The following BBS9 variants were observed in gnomAD, a reference collection of about 807,000 sequenced individuals.
BBS9 encodes the protein Bardet-Biedl syndrome 9.
Under a neutral mutation model 117.7 loss-of-function variants are expected in BBS9, and 89 were observed. That is an observed-to-expected ratio of 0.76 (90% CI 0.64 to 0.90). The LOEUF (loss-of-function observed/expected upper bound fraction) is 0.90, where lower values mean the gene tolerates loss of function less well. Among genes scored for constraint, BBS9 ranks in the 40% least tolerant of loss-of-function variants. The pLI, the probability that BBS9 is intolerant of heterozygous loss-of-function variation, is 0.00. For missense variants in BBS9, 982 were observed against 1,042.2 expected, an observed-to-expected ratio of 0.94 and a Z score of 0.80; for synonymous variants, 379 against 370.9, an observed-to-expected ratio of 1.02 and a Z score of -0.25.
intron 2 of BBS9, among the ~76,000 whole-genome samples, chr7:33,149,134 G>T (rs948119980): frequency 6.6e-6 from 1 of 152,190 alleles, no homozygotes; most frequent in Non-Finnish European, 1.5e-5. Flanking sequence ...AGGGTCAAGG[G>T]AAGTGGGAAA....
At chr7:33,292,595 T>C (rs1012343072) in intron 9 of BBS9, among the ~76,000 whole-genome samples, 4 of 152,204 alleles carry the variant, frequency 2.6e-5, no homozygotes, top group African/African-American at 9.6e-5. Flanking sequence ...CAGGTGAATA[T>C]CCCATGAAGA....
intron 19 of BBS9, among the ~76,000 whole-genome samples, chr7:33,394,772 A>G (rs1311119326): frequency 6.6e-6 from 1 of 152,228 alleles, no homozygotes; most frequent in Non-Finnish European, 1.5e-5. Flanking sequence ...GAAATAAAGT[A>G]GGAGAAAAGA....
In BBS9 at chr7:33,230,330, C is replaced by G. The variant is rs1792105449; in HGVS notation, c.443-26906C>G. 2.0e-5 allele frequency among the ~76,000 whole-genome samples: 3 copies of G among 152,242 alleles called. No homozygotes were observed. The South Asian group carries it at 6.2e-4, about 32-fold the overall frequency. On this transcript the variant is annotated intron_variant, in intron 5 of 22. Coordinates refer to ENST00000242067, the MANE Select transcript of BBS9 (RefSeq NM_198428.3). ...ATTTCCAAGAAATCATTGCCAAGGC[C>G]AATGTCCAGGAGCTTTCCCACTGTG...
intron 1 of BBS9, among the ~76,000 whole-genome samples, chr7:33,144,937 A>G (rs753536185): frequency 6.6e-6 from 1 of 152,236 alleles, no homozygotes; most frequent in African/African-American, 2.4e-5. Flanking sequence ...GCATCTGTAC[A>G]TGAAATTAGA....
intron 5 of BBS9, among the ~76,000 whole-genome samples, chr7:33,232,965 T>C (rs957686305): frequency 6.6e-6 from 1 of 152,186 alleles, no homozygotes; most frequent in Non-Finnish European, 1.5e-5. Flanking sequence ...CAGGACTTTA[T>C]ATGTTAAACC....
intron 21 of BBS9, among the ~76,000 whole-genome samples, chr7:33,545,385 C>T (rs537653708): frequency 2.9e-4 from 44 of 152,110 alleles, no homozygotes; most frequent in Non-Finnish European, 4.6e-4. Context: ...GGCCTTTCTG[C>T]TGCTTCCTCT....
At chr7:33,364,764 TG>T (rs1346184473) in intron 16 of BBS9, among the ~76,000 whole-genome samples, 4 of 145,592 alleles carry the variant, frequency 2.7e-5, no homozygotes, top group Non-Finnish European at 4.5e-5. Flanking sequence ...GGTCTTGCTC[TG>T]TCATCCAGGC....
chr7:33,326,531 C>G lies in BBS9; in HGVS notation c.1017-9910C>G, dbSNP rs552107954. 8.5e-5 allele frequency among the ~76,000 whole-genome samples: 13 copies of G among 152,232 alleles called. No homozygotes were observed. The South Asian group carries it at 1.2e-3, about 15-fold the overall frequency. On this transcript the variant is annotated intron_variant, in intron 9 of 22. Transcript: ENST00000242067. ...AAGACAAAGTCCCCTTTACTCTTCTCTCTCCTTTTCTGAAGCAAAATGAGT... is the reference window on the plus strand; with the variant it reads ...AAGACAAAGTCCCCTTTACTCTTCTGTCTCCTTTTCTGAAGCAAAATGAGT...
intron 19 of BBS9, among the ~76,000 whole-genome samples, chr7:33,473,423 A>G (rs1253246991): frequency 6.7e-6 from 1 of 149,294 alleles, no homozygotes; most frequent in Non-Finnish European, 1.5e-5. Flanking sequence ...TCCTGGGTTC[A>G]AGCAGTTCTC....
At chr7:33,436,905 G>A (rs973685412) in intron 19 of BBS9, among the ~76,000 whole-genome samples, 2 of 152,182 alleles carry the variant, frequency 1.3e-5, no homozygotes, top group African/African-American at 4.8e-5. Flanking sequence ...AAGTTATAAA[G>A]CATTAGCCAT....
chr7:33,142,731 CA>C (rs1277819349), intron 1 of BBS9, among the ~76,000 whole-genome samples: 1 of 150,034 alleles, frequency 6.7e-6, no homozygotes, highest in Non-Finnish European at 1.5e-5. Context: ...CCTCAAGGTT[CA>C]TCTACATAGC....
At chr7:33,280,912 T>G (rs1187331053) in intron 9 of BBS9, among the ~76,000 whole-genome samples, 4 of 55,168 alleles carry the variant, frequency 7.3e-5, no homozygotes, top group South Asian at 6.4e-4. Context: ...GTCGTTTTTG[T>G]TTTTTTTTTT....
chr7:33,577,460 T>C (rs923737070), intron 21 of BBS9, among the ~76,000 whole-genome samples: 1 of 152,180 alleles, frequency 6.6e-6, no homozygotes, highest in African/African-American at 2.4e-5. Flanking sequence ...GGTGGGAGTG[T>C]AAATTAGTTC....
At chr7:33,576,883 C>T (rs1186865687) in intron 21 of BBS9, among the ~76,000 whole-genome samples, 2 of 152,114 alleles carry the variant, frequency 1.3e-5, no homozygotes, top group Admixed American at 6.5e-5. Context: ...CCCTTCCTTA[C>T]ACCTTATACA....
chr7:33,295,151 G>A (rs972843824), intron 9 of BBS9, among the ~76,000 whole-genome samples: 10 of 152,068 alleles, frequency 6.6e-5, no homozygotes, highest in African/African-American at 1.4e-4. Context: ...GCAAGCATAC[G>A]TATTCTACCT....
intron 21 of BBS9, among the ~76,000 whole-genome samples, chr7:33,626,596 A>C (rs898947199): frequency 6.6e-6 from 1 of 152,200 alleles, no homozygotes. Context: ...AGGTGGTCTC[A>C]GATAGAGGTG....
At chr7:33,209,408 G>A (rs952025290) in intron 5 of BBS9, among the ~76,000 whole-genome samples, 9 of 152,188 alleles carry the variant, frequency 5.9e-5, no homozygotes, top group Non-Finnish European at 1.3e-4. Flanking sequence ...AGAAACATAG[G>A]AGTGCAGATA....
chr7:33,370,134 T>G (rs961117651), intron 17 of BBS9, among the ~76,000 whole-genome samples: 2 of 152,036 alleles, frequency 1.3e-5, no homozygotes, highest in African/African-American at 4.8e-5. Flanking sequence ...CCAAATTCCC[T>G]GGGGAACTGA....
At chr7:33,174,667 T>C (rs1797068970) in intron 4 of BBS9, among the ~76,000 whole-genome samples, 2 of 152,226 alleles carry the variant, frequency 1.3e-5, no homozygotes, top group Non-Finnish European at 2.9e-5. Flanking sequence ...TATAGTTCAT[T>C]ATGTACAGAA....
Sources: allele counts gnomAD v4.1 joint callset (sites outside exome capture counted in the v4.1 genomes callset), GRCh38; gene constraint gnomAD v4.1.1; transcripts MANE v1.5; gene names NCBI Gene and HGNC (gene_info 2026-07-23, HGNC 2026-07-21).